Variants in TMEM132D observed in about 807,000 individuals in gnomAD.
The protein encoded by TMEM132D is mature OL transmembrane protein.
Under a neutral mutation model 62.3 loss-of-function variants are expected in TMEM132D, and 21 were observed. The observed-to-expected ratio is 0.34, with a 90% CI of 0.24 to 0.49. TMEM132D has a LOEUF of 0.49. Among genes scored for constraint, TMEM132D ranks in the 20% least tolerant of loss-of-function variants. The probability of loss-of-function intolerance (pLI) is 0.99; values close to 1 mark genes in which losing one functional copy is unlikely to be tolerated. For synonymous variants in TMEM132D, 621 were observed against 575.6 expected, an observed-to-expected ratio of 1.08 and a Z score of -1.13; for missense variants, 1,346 against 1,402.8, an observed-to-expected ratio of 0.96 and a Z score of 0.65.
intron 2 of TMEM132D, among the ~76,000 whole-genome samples, chr12:129,636,737 T>TGTGAGAGAGA (rs375868329): frequency 4.5e-4 from 51 of 113,632 alleles, no homozygotes; most frequent in Middle Eastern, 5.2e-3. Flanking sequence ...TGTGTGTGTG[T>TGTGAGAGAGA]GAGAGAGAGA....
chr12:129,770,059 A>C (rs562844390), intron 1 of TMEM132D, among the ~76,000 whole-genome samples: 1 of 151,286 alleles, frequency 6.6e-6, no homozygotes, highest in Non-Finnish European at 1.5e-5. Context: ...GGCTCAAGCA[A>C]TCCTCCCACT....
intron 5 of TMEM132D, among the ~76,000 whole-genome samples, chr12:129,155,411 T>G (rs1000241065): frequency 6.6e-6 from 1 of 152,256 alleles, no homozygotes; most frequent in Non-Finnish European, 1.5e-5. Context: ...GTACTTTTTT[T>G]GAAATGTTGT....
intron 1 of TMEM132D, among the ~76,000 whole-genome samples, chr12:129,748,647 T>C (rs1192085313): frequency 6.6e-6 from 1 of 152,082 alleles, no homozygotes; most frequent in Admixed American, 6.5e-5. Context: ...TGGATCCCGA[T>C]GGAGGAAAAA....
At chr12:129,600,003 C>A (rs1056841534) in intron 2 of TMEM132D, among the ~76,000 whole-genome samples, 1 of 152,150 alleles carries the variant, frequency 6.6e-6, no homozygotes, top group Non-Finnish European at 1.5e-5. Flanking sequence ...ATGAGGTTTG[C>A]TGCATCAATG....
At chr12:129,464,739 C>G (rs533883577) in intron 3 of TMEM132D, among the ~76,000 whole-genome samples, 1 of 152,268 alleles carries the variant, frequency 6.6e-6, no homozygotes, top group Admixed American at 6.5e-5. Context: ...ATCCTTTCCT[C>G]ATTGCTTGTT....
At chr12:129,799,364 GTA>G (rs1305495689) in intron 1 of TMEM132D, among the ~76,000 whole-genome samples, 6 of 36,714 alleles carry the variant, frequency 1.6e-4, no homozygotes, top group African/African-American at 6.9e-4. Flanking sequence ...GTGTGTGTGT[GTA>G]TATATGTGTA....
intron 1 of TMEM132D, among the ~76,000 whole-genome samples, chr12:129,707,614 T>C (rs1881537847): frequency 6.6e-6 from 1 of 152,238 alleles, no homozygotes; most frequent in African/African-American, 2.4e-5. Context: ...GGTAAAGTTC[T>C]TGTATTTGAA....
chr12:129,273,128 G>A (rs1435997723), intron 4 of TMEM132D, among the ~76,000 whole-genome samples: 1 of 151,796 alleles, frequency 6.6e-6, no homozygotes, highest in African/African-American at 2.4e-5. Context: ...TCTGGGAGGT[G>A]GAGGTTGCAG....
chr12:129,095,346 GTTTT>G (rs34044401), intron 5 of TMEM132D, among the ~76,000 whole-genome samples: 1 of 105,354 alleles, frequency 9.5e-6, no homozygotes. Flanking sequence ...ATGCCTGCTG[GTTTT>G]TTTTTTTTTT....
At chr12:129,801,938 G>T (rs1262820475) in intron 1 of TMEM132D, among the ~76,000 whole-genome samples, 2 of 151,670 alleles carry the variant, frequency 1.3e-5, no homozygotes, top group Non-Finnish European at 2.9e-5. Flanking sequence ...AAGGGTATCA[G>T]CGATGGAAGA....
chr12:129,810,240 G>T (rs572897849), intron 1 of TMEM132D, among the ~76,000 whole-genome samples: 4 of 152,164 alleles, frequency 2.6e-5, no homozygotes, highest in East Asian at 1.9e-4. Context: ...AATGAGCAAC[G>T]TATGAATTTG....
At chr12:129,119,240 T>C (rs192717676) in intron 5 of TMEM132D, among the ~76,000 whole-genome samples, 164 of 152,336 alleles carry the variant, frequency 1.1e-3, no homozygotes, top group African/African-American at 3.7e-3. Context: ...GGAGTACACG[T>C]AGATATACTG....
intron 4 of TMEM132D, among the ~76,000 whole-genome samples, chr12:129,217,998 C>G (rs1879254927): frequency 6.6e-6 from 1 of 152,144 alleles, no homozygotes; most frequent in African/African-American, 2.4e-5. Flanking sequence ...ATCTCCGGAG[C>G]TAGGACCAGC....
chr12:129,151,864 G>C (rs532994426), intron 5 of TMEM132D, among the ~76,000 whole-genome samples: 17 of 149,782 alleles, frequency 1.1e-4, no homozygotes, highest in Non-Finnish European at 3.0e-5. Context: ...AGTTAATGTG[G>C]ACCACGTGAT....
intron 3 of TMEM132D, among the ~76,000 whole-genome samples, chr12:129,366,200 T>C (rs1870407743): frequency 6.6e-6 from 1 of 152,228 alleles, no homozygotes; most frequent in South Asian, 2.1e-4. Flanking sequence ...AGCCCTGTGT[T>C]ATTGTTTGGT....
chr12:129,590,856 T>C (rs1396092081), intron 2 of TMEM132D, among the ~76,000 whole-genome samples: 1 of 152,132 alleles, frequency 6.6e-6, no homozygotes, highest in East Asian at 1.9e-4. Context: ...CTTGTCATGG[T>C]CCAATTTGAA....
At chr12:129,394,755 G>C (rs1871376648) in intron 3 of TMEM132D, among the ~76,000 whole-genome samples, 1 of 152,190 alleles carries the variant, frequency 6.6e-6, no homozygotes, top group Admixed American at 6.5e-5. Context: ...ACCACATACT[G>C]TATGATTTCA....
At chr12:129,250,984 G>A (rs1015175392) in intron 4 of TMEM132D, among the ~76,000 whole-genome samples, 4 of 152,186 alleles carry the variant, frequency 2.6e-5, no homozygotes, top group Admixed American at 6.5e-5. Context: ...TTGCACATAC[G>A]TTTTATTTTG....
chr12:129,869,633 C>A (rs900945637), intron 1 of TMEM132D, among the ~76,000 whole-genome samples: 13 of 152,160 alleles, frequency 8.5e-5, no homozygotes, highest in African/African-American at 3.1e-4. Flanking sequence ...GAATACAGAG[C>A]ACTGTCTGGA....
Sources: gnomAD v4.1 joint callset for allele counts (sites outside exome capture counted in the v4.1 genomes callset) on GRCh38, gnomAD v4.1.1 for gene constraint, MANE v1.5 for transcripts, NCBI Gene and HGNC (gene_info 2026-07-23, HGNC 2026-07-21) for gene names.